The following ZNF560 variants were observed in gnomAD, a reference collection of about 807,000 sequenced individuals.
ZNF560 encodes the protein zinc finger protein 560.
ZNF560 carries 54 observed loss-of-function variants against 81.8 expected under a neutral mutation model. The ratio of observed to expected loss-of-function variants is 0.66; its 90% confidence interval spans 0.53 to 0.83. The LOEUF (loss-of-function observed/expected upper bound fraction) is 0.83. Ranked by LOEUF, ZNF560 falls within the 40% of genes least tolerant of loss-of-function variation. The pLI is 0.00. For synonymous variants in ZNF560, 321 were observed against 317.9 expected (o/e 1.01, Z -0.10); for missense variants, 940 against 932.4 (o/e 1.01, Z -0.11).
chr19:9,468,623 C>A (rs2073071857), intron 9 of ZNF560, among the ~76,000 whole-genome samples: 1 of 152,062 alleles, frequency 6.6e-6, no homozygotes, highest in African/African-American at 2.4e-5. Flanking sequence ...TCTTAAGTAC[C>A]AAGCTTCACA....
At chr19:9,449,901 G>A in the ZNF560 span, among the ~76,000 whole-genome samples, 5 of 150,784 alleles carry the variant, frequency 3.3e-5, no homozygotes, top group South Asian at 4.2e-4. Flanking sequence ...CCCAGGAGGC[G>A]GAGGTTGCAG....
At chr19:9,450,238 C>T in the ZNF560 span, among the ~76,000 whole-genome samples, 16 of 151,556 alleles carry the variant, frequency 1.1e-4, no homozygotes, top group East Asian at 2.0e-3. Flanking sequence ...TTGCAGTGAG[C>T]CGAGATCGCG....
downstream of ZNF560, among the ~76,000 whole-genome samples, chr19:9,463,644 A>G (rs2072970057): frequency 6.6e-6 from 1 of 152,220 alleles, no homozygotes; most frequent in Admixed American, 6.5e-5. Context: ...CTCCATAAGA[A>G]AACATGTAAC....
chr19:9,476,502 G>C (rs1054537369), intron 2 of ZNF560, among the ~76,000 whole-genome samples: 6 of 152,110 alleles, frequency 3.9e-5, no homozygotes, highest in African/African-American at 1.4e-4. Context: ...CAGTTGGTCA[G>C]GCTGGTCTCG....
chr19:9,487,065 T>C (rs2073396924), intron 2 of ZNF560, among the ~76,000 whole-genome samples: 1 of 152,226 alleles, frequency 6.6e-6, no homozygotes, highest in East Asian at 1.9e-4. Flanking sequence ...TTTTAAGTTA[T>C]TGGCCAGTCA....
intron 2 of ZNF560, among the ~76,000 whole-genome samples, chr19:9,478,676 T>C (rs1416694740): frequency 6.6e-6 from 1 of 152,184 alleles, no homozygotes; most frequent in Non-Finnish European, 1.5e-5. Context: ...GTATAGTTAT[T>C]TTATGTGATC....
At chr19:9,493,750 A>G (rs2073509516) in intron 2 of ZNF560, among the ~76,000 whole-genome samples, 1 of 152,160 alleles carries the variant, frequency 6.6e-6, no homozygotes, top group African/African-American at 2.4e-5. Flanking sequence ...TTCTATTTCT[A>G]TTTTGTATAT....
chr19:9,459,095 A>G, the ZNF560 span, among the ~76,000 whole-genome samples: 1 of 152,160 alleles, frequency 6.6e-6, no homozygotes, highest in Non-Finnish European at 1.5e-5. Flanking sequence ...TTTTCTCTAT[A>G]TGGAATATTG....
At chr19:9,470,663 T>G (rs2073107221) in intron 6 of ZNF560, 145 bp from the exon 7 acceptor site, 2 of 1,035,964 alleles carry the variant, frequency 1.9e-6, no homozygotes, top group Non-Finnish European at 2.8e-6. Context: ...CCCTAGGAAC[T>G]CTTCTATCCA....
chr19:9,477,192 C>T (rs2073215724), intron 2 of ZNF560, among the ~76,000 whole-genome samples: 1 of 152,006 alleles, frequency 6.6e-6, no homozygotes, highest in Non-Finnish European at 1.5e-5. Context: ...CATATATATA[C>T]ACATACATAT....
chr19:9,486,751 G>A (rs1437259567), intron 2 of ZNF560, among the ~76,000 whole-genome samples: 9 of 136,506 alleles, frequency 6.6e-5, no homozygotes, highest in Non-Finnish European at 1.0e-4. Context: ...AAAAAAAAAA[G>A]AAGAAAAGAA....
chr19:9,478,195 A>T (rs2073232224), intron 2 of ZNF560, among the ~76,000 whole-genome samples: 1 of 152,214 alleles, frequency 6.6e-6, no homozygotes, highest in Non-Finnish European at 1.5e-5. Context: ...TTATGAGCAG[A>T]CCTGTCACCA....
the ZNF560 span, among the ~76,000 whole-genome samples, chr19:9,446,407 C>CACACAT: frequency 6.8e-6 from 1 of 146,380 alleles, no homozygotes; most frequent in South Asian, 2.1e-4. Flanking sequence ...CACACACACA[C>CACACAT]ATAAAATATA....
chr19:9,504,539 T>A, the ZNF560 span, among the ~76,000 whole-genome samples: 3,685 of 152,316 alleles, frequency 0.024, 159 homozygotes, highest in African/African-American at 0.085. Context: ...GAATGTGTGT[T>A]CTCATGATAT....
the ZNF560 span, among the ~76,000 whole-genome samples, chr19:9,460,680 CTA>C: frequency 1.3e-5 from 2 of 152,194 alleles, no homozygotes; most frequent in Admixed American, 1.3e-4. Flanking sequence ...CGTAATCACT[CTA>C]TGGCAGTTAC....
At position 9,467,115 on chromosome 19, in the gene ZNF560, T is replaced by C. The variant is rs1379268476; in HGVS notation, c.1832A>G (p.Glu611Gly). ...ECKKCGKAFTERSDLTKHLRR... is the reference protein window; with the variant it reads ...ECKKCGKAFTGRSDLTKHLRR... ...TAAATGTTTAGTAAGATCTGAGCGT[T>C]CTGTGAAGGCTTTTCCACATTTCTT... The change falls in exon 10 of 10, where the codon GAA becomes GGA. Residue 611 changes from glutamate (E) to glycine (G), a missense_variant. Transcript: ENST00000301480. The C allele has an allele frequency of 6.2e-7, 1 of 1,613,938 alleles. No individual in the cohort carries two copies. The highest frequency in any genetic ancestry group is 8.5e-7 in the Non-Finnish European group (1 of 1,180,004).
At chr19:9,492,101 C>T (rs1383356520) in intron 2 of ZNF560, among the ~76,000 whole-genome samples, 1 of 152,030 alleles carries the variant, frequency 6.6e-6, no homozygotes, top group East Asian at 1.9e-4. Flanking sequence ...CTGCCTCATG[C>T]TCCTGAGTAG....
At chr19:9,449,102 G>A in the ZNF560 span, among the ~76,000 whole-genome samples, 2 of 152,324 alleles carry the variant, frequency 1.3e-5, no homozygotes, top group South Asian at 4.1e-4. Context: ...CACTGAGGCA[G>A]AAAACTAACA....
intron 2 of ZNF560, among the ~76,000 whole-genome samples, chr19:9,482,683 T>G (rs1354671664): frequency 2.9e-5 from 2 of 68,128 alleles, no homozygotes; most frequent in African/African-American, 1.1e-4. Flanking sequence ...TCCCTCTCCC[T>G]CTCTTTCCAC....
Sources: gnomAD v4.1 joint callset for allele counts (sites outside exome capture counted in the v4.1 genomes callset) on GRCh38, gnomAD v4.1.1 for gene constraint, MANE v1.5 for transcripts, NCBI Gene and HGNC (gene_info 2026-07-23, HGNC 2026-07-21) for gene names.